The following IL7R variants were observed in gnomAD, a reference collection of about 807,000 sequenced individuals.
IL7R encodes the protein interleukin 7 receptor.
IL7R carries 38 observed loss-of-function variants against 47.0 expected under a neutral mutation model. The observed-to-expected ratio is 0.81, with a 90% CI of 0.62 to 1.06. The LOEUF (loss-of-function observed/expected upper bound fraction) is 1.06. Ranked by LOEUF, IL7R falls within the 50% of genes least tolerant of loss-of-function variation. IL7R has a pLI of 0.00. For synonymous variants in IL7R, 221 were observed against 199.8 expected, an observed-to-expected ratio of 1.11 and a Z score of -0.89; for missense variants, 633 against 534.8, an observed-to-expected ratio of 1.18 and a Z score of -1.81.
intron 3 of IL7R, among the ~76,000 whole-genome samples, chr5:35,868,859 C>G (rs1018839913): frequency 6.6e-6 from 1 of 152,166 alleles, no homozygotes; most frequent in African/African-American, 2.4e-5. Flanking sequence ...TCTGCCACCT[C>G]CAAATCCCCA....
intron 4 of IL7R, among the ~76,000 whole-genome samples, chr5:35,871,729 G>A (rs11567752): frequency 0.013 from 1,971 of 152,234 alleles, 49 homozygotes; most frequent in African/African-American, 0.045. Context: ...TCATAATCAG[G>A]AGAGTTACTT....
At position 35,871,181 on chromosome 5, in the gene IL7R, T is replaced by C; in HGVS notation, c.505T>C (p.Tyr169His). Reference sequence around the variant, plus strand: ...AAAAGTTTTAATGCACGATGTAGCTTACCGCCAGGAAAAGGATGAAAACAA... The same window carrying C: ...AAAAGTTTTAATGCACGATGTAGCTCACCGCCAGGAAAAGGATGAAAACAA... The part of the protein sequence containing the change: ...YVKVLMHDVA[Y>H]RQEKDENKWT... Residue 169 changes from tyrosine (Y) to histidine (H), a missense_variant, in exon 4 of 8, where the codon TAC becomes CAC. Tyr to His is a moderately conservative substitution (Grantham distance 83, BLOSUM62 2). Coordinates refer to ENST00000303115, the MANE Select transcript of IL7R (RefSeq NM_002185.5). 6.2e-7 allele frequency: 1 copy of C among 1,613,140 alleles called. No individual in the cohort carries two copies. Among genetic ancestry groups the C allele is most frequent in the Non-Finnish European group, 8.5e-7 (1 of 1,179,110 alleles).
intron 1 of IL7R, among the ~76,000 whole-genome samples, chr5:35,857,560 C>T (rs149054818): frequency 6.6e-6 from 1 of 152,198 alleles, no homozygotes; most frequent in African/African-American, 2.4e-5. Context: ...AGTAGACATC[C>T]AATAACTTTT....
At chr5:35,874,588 G>GAC in intron 6 of IL7R, 46 bp downstream of exon 6, 1 of 1,352,638 alleles carries the variant, frequency 7.4e-7, no homozygotes, top group Non-Finnish European at 1.1e-6. Flanking sequence ...TGGGATCACG[G>GAC]ACAGTCAGAG....
intron 3 of IL7R, among the ~76,000 whole-genome samples, chr5:35,869,426 G>A (rs890888857): frequency 1.2e-4 from 18 of 152,172 alleles, no homozygotes; most frequent in African/African-American, 2.7e-4. Context: ...AGGACCAGCC[G>A]TTGTGATATG....
intron 1 of IL7R, among the ~76,000 whole-genome samples, chr5:35,858,757 C>T (rs1169382121): frequency 2.0e-5 from 3 of 152,174 alleles, no homozygotes; most frequent in Non-Finnish European, 4.4e-5. Context: ...TAGCTAATCC[C>T]TATTAAATCC....
In IL7R at chr5:35,877,356, G is replaced by C. The variant is rs1404259380; in HGVS notation, c.*870G>C. On this transcript the variant is annotated 3_prime_UTR_variant, in exon 8 of 8. Coordinates refer to ENST00000303115, the MANE Select transcript of IL7R (RefSeq NM_002185.5). ...GGTGTGAAGTCCCATGACCAGCCAT[G>C]TCAAAAGAAGGTAAAGAAGTCAAGA... The C allele has an allele frequency of 4.3e-6, 1 of 233,054 alleles. No homozygotes were observed. Among genetic ancestry groups the C allele is most frequent in the Non-Finnish European group, 8.5e-6 (1 of 117,984 alleles). 14.4% of individuals were successfully genotyped at this position (233,054 alleles called of 1,614,324 possible).
Position 35,876,564 on chromosome 5 carries a change from C to T in IL7R, c.*78C>T. ...GGGAAGTCTAGAGTTCCTAGTCTCCCTCACAGCACAGAGAAGACAAAATTA... is the reference window on the plus strand; with the variant it reads ...GGGAAGTCTAGAGTTCCTAGTCTCCTTCACAGCACAGAGAAGACAAAATTA... On this transcript the variant is annotated 3_prime_UTR_variant, in exon 8 of 8. Transcript: ENST00000303115. 1 of 1,500,330 alleles carries T rather than the reference C, an allele frequency of 6.7e-7. No homozygotes were observed. The highest frequency in any genetic ancestry group is 9.1e-7 in the Non-Finnish European group (1 of 1,093,866). The allele number at this position is 1,500,330 out of a possible 1,614,324, so 92.9% of individuals were successfully genotyped here. A position where few individuals can be genotyped will look rare whatever the true frequency, so the allele number is the denominator to read the frequency against.
intron 3 of IL7R, among the ~76,000 whole-genome samples, chr5:35,869,474 T>C (rs548740333): frequency 6.6e-6 from 1 of 152,120 alleles, no homozygotes; most frequent in Admixed American, 6.5e-5. Flanking sequence ...TGAAGAAGAG[T>C]GAGCCTCAGA....
At chr5:35,861,795 G>T (rs1179574252) in intron 2 of IL7R, among the ~76,000 whole-genome samples, 2 of 152,082 alleles carry the variant, frequency 1.3e-5, no homozygotes, top group African/African-American at 4.8e-5. Context: ...GTTGCCAAGG[G>T]TTACTATCTC....
At chr5:35,870,634 C>T (rs183276321) in intron 3 of IL7R, among the ~76,000 whole-genome samples, 46 of 152,240 alleles carry the variant, frequency 3.0e-4, no homozygotes, top group Admixed American at 2.2e-3. Flanking sequence ...TCTCAAACAC[C>T]GTAGGTTTAT....
intron 2 of IL7R, among the ~76,000 whole-genome samples, chr5:35,864,969 T>C (rs1428966712): frequency 6.6e-6 from 1 of 152,184 alleles, no homozygotes; most frequent in Non-Finnish European, 1.5e-5. Context: ...GTTTTTTTAA[T>C]TATTATTATA....
Position 35,873,650 on chromosome 5 carries a change from T to TCTTCAGAACTCCAGAGATCAATAATA in IL7R, c.706+2_706+3insCTTCAGAACTCCAGAGATCAATAATA. 1 of 1,613,432 alleles carries TCTTCAGAACTCCAGAGATCAATAATA rather than the reference T, an allele frequency of 6.2e-7. No individual in the cohort carries two copies. Among genetic ancestry groups the TCTTCAGAACTCCAGAGATCAATAATA allele is most frequent in the Non-Finnish European group, 8.5e-7 (1 of 1,179,384 alleles). On this transcript the variant is annotated splice_region_variant and intron_variant, in intron 5 of 7. Transcript: ENST00000303115. The stretch of plus-strand genomic sequence containing the variant: ...CTCCAGAGATCAATAATAGCTCAGG[T>TCTTCAGAACTCCAGAGATCAATAATA]AAGGAATGGTGGTAGAGTTTTTGTT...
chr5:35,868,906 C>T (rs983765060), intron 3 of IL7R, among the ~76,000 whole-genome samples: 2 of 152,142 alleles, frequency 1.3e-5, no homozygotes, highest in African/African-American at 4.8e-5. Flanking sequence ...GTCTCCATCC[C>T]CCAGCAGACT....
Position 35,878,499 on chromosome 5 carries a change from A to G in IL7R, c.*2013A>G, listed in dbSNP as rs1262052318. 1 of 232,810 alleles carries G rather than the reference A, an allele frequency of 4.3e-6. No individual in the cohort carries two copies. The highest frequency in any genetic ancestry group is 8.5e-6 in the Non-Finnish European group (1 of 117,848). The allele number at this position is 232,810 out of a possible 1,614,324, so 14.4% of individuals were successfully genotyped here. A position where few individuals can be genotyped will look rare whatever the true frequency, so the allele number is the denominator to read the frequency against. Reference sequence around the variant, plus strand: ...AAAGTGCCCTGTTGGAGACAGGGCAAATGCCACAAAAATGATGTAAATTTA... The same window carrying G: ...AAAGTGCCCTGTTGGAGACAGGGCAGATGCCACAAAAATGATGTAAATTTA... On this transcript the variant is annotated 3_prime_UTR_variant, in exon 8 of 8. Transcript: ENST00000303115.
rs1760287933 is a variant in IL7R at position 35,879,059 on chromosome 5, A to G, written c.*2573A>G. On this transcript the variant is annotated 3_prime_UTR_variant, in exon 8 of 8. Transcript: ENST00000303115. Reference sequence around the variant, plus strand: ...TAAGATTACTAATTGGTTCTGCCCAATCTCCTTTCAGATTTTATTAGGAAA... The same window carrying G: ...TAAGATTACTAATTGGTTCTGCCCAGTCTCCTTTCAGATTTTATTAGGAAA... 4.3e-6 allele frequency: 1 copy of G among 232,694 alleles called. No individual in the cohort carries two copies. The highest frequency in any genetic ancestry group is 1.8e-4 in the South Asian group (1 of 5,534). 14.4% of individuals were successfully genotyped at this position (232,694 alleles called of 1,614,324 possible).
chr5:35,870,964 T>C (rs952534020), intron 3 of IL7R, 92 bp from the exon 4 acceptor site: 19 of 1,153,950 alleles, frequency 1.6e-5, no homozygotes, highest in Admixed American at 6.9e-5. Flanking sequence ...ACAAAAAGGG[T>C]CAAAGTGACT....
At chr5:35,868,253 C>A (rs916480077) in intron 3 of IL7R, among the ~76,000 whole-genome samples, 2 of 152,132 alleles carry the variant, frequency 1.3e-5, no homozygotes, top group African/African-American at 4.8e-5. Context: ...TAAATGTTAA[C>A]CATGTCTTAA....
chr5:35,869,952 TACA>T lies in IL7R; in HGVS notation c.380-1099_380-1097del, dbSNP rs1760029842. Among the ~76,000 whole-genome samples, 5 of 152,324 alleles carry T rather than the reference TACA, an allele frequency of 3.3e-5. No homozygotes were observed. In the South Asian group the frequency reaches 1.0e-3, roughly 32 times the overall value. On this transcript the variant is annotated intron_variant, in intron 3 of 7. Coordinates refer to ENST00000303115, the MANE Select transcript of IL7R (RefSeq NM_002185.5). ...GCAGTCACCACTACGAATAAGTGAC[TACA>T]ACAAGAGCTAGGCCAAACTCTGCCA...
Sources: gnomAD v4.1 joint callset for allele counts (sites outside exome capture counted in the v4.1 genomes callset) on GRCh38, gnomAD v4.1.1 for gene constraint, MANE v1.5 for transcripts, NCBI Gene and HGNC (gene_info 2026-07-23, HGNC 2026-07-21) for gene names.